The following CNDP1 variants were observed in gnomAD, a reference collection of about 807,000 sequenced individuals.
CNDP1 encodes carnosine dipeptidase 1.
Under a neutral mutation model 58.1 loss-of-function variants are expected in CNDP1, and 44 were observed. The ratio of observed to expected loss-of-function variants is 0.76; its 90% CI spans 0.60 to 0.97. The LOEUF (loss-of-function observed/expected upper bound fraction) is 0.97, where lower values mean the gene tolerates loss of function less well. CNDP1 is among the 50% of genes least tolerant of loss of function. The pLI is 0.00. For missense variants in CNDP1, 616 were observed against 655.1 expected (o/e 0.94, Z 0.65); for synonymous variants, 254 against 252.6 (o/e 1.01, Z -0.05).
chr18:74,558,823 C>T (rs1239311928), intron 2 of CNDP1, among the ~76,000 whole-genome samples: 1 of 152,104 alleles, frequency 6.6e-6, no homozygotes, highest in African/African-American at 2.4e-5. Context: ...ATCCTAGAGG[C>T]ACAGGGAGGG....
rs748012091 is a variant in CNDP1 at position 74,583,651 on chromosome 18, T to C, written c.1400T>C (p.Leu467Pro). 95 of 1,614,074 alleles carry C rather than the reference T, an allele frequency of 5.9e-5. No individual in the cohort carries two copies. In the Middle Eastern group the frequency reaches 1.6e-3, roughly 28 times the overall value. Residue 467 changes from leucine to proline, a missense_variant, in exon 11 of 12, where the codon CTA becomes CCA. Leu to Pro is a moderately conservative substitution (Grantham distance 98). Transcript: ENST00000358821. ...GAGATCGTCCACAAGAGCGTGGTGC[T>C]AATTCCGCTGGGAGCTGTTGATGAT... Reference protein sequence around the residue: ...FQEIVHKSVVLIPLGAVDDGE... With the variant: ...FQEIVHKSVVPIPLGAVDDGE...
intron 6 of CNDP1, among the ~76,000 whole-genome samples, chr18:74,568,506 T>G (rs1476382520): frequency 6.6e-6 from 1 of 151,800 alleles, no homozygotes; most frequent in African/African-American, 2.4e-5. Flanking sequence ...AGGAAGCCCT[T>G]GGGAGGCAAT....
At position 74,577,115 on chromosome 18, in the gene CNDP1, C is replaced by G. The variant is rs565719641; in HGVS notation, c.1002+86C>G. ...CCTCTGTCTAAGTCATTGTCTGGTG[C>G]TAATCTCCGTATCTTAGAATCCAAA... On this transcript the variant is annotated intron_variant, in intron 8 of 11. Coordinates refer to ENST00000358821, the MANE Select transcript of CNDP1 (RefSeq NM_032649.6). The G allele has an allele frequency of 4.1e-5, 49 of 1,204,920 alleles. No individual in the cohort carries two copies. In the African/African-American group the frequency reaches 7.0e-4, roughly 17 times the overall value. The allele number at this position is 1,204,920 out of a possible 1,614,324, so 74.6% of individuals were successfully genotyped here.
chr18:74,537,672 G>A (rs1416061248), intron 1 of CNDP1, among the ~76,000 whole-genome samples: 2 of 152,168 alleles, frequency 1.3e-5, no homozygotes, highest in African/African-American at 4.8e-5. Flanking sequence ...CCCTTTGGAT[G>A]GGGCACATGC....
chr18:74,538,957 A>G (rs1439865029), intron 1 of CNDP1, among the ~76,000 whole-genome samples: 2 of 152,084 alleles, frequency 1.3e-5, no homozygotes, highest in African/African-American at 4.8e-5. Context: ...TCCAGGGTGT[A>G]TCTCTTGCTC....
At chr18:74,538,723 C>G (rs539976572) in intron 1 of CNDP1, among the ~76,000 whole-genome samples, 3 of 152,302 alleles carry the variant, frequency 2.0e-5, no homozygotes, top group Non-Finnish European at 4.4e-5. Flanking sequence ...TGATTCCCGG[C>G]ATCCTCTGGG....
intron 1 of CNDP1, among the ~76,000 whole-genome samples, chr18:74,543,499 T>G (rs1405820051): frequency 1.5e-5 from 2 of 131,398 alleles, no homozygotes; most frequent in African/African-American, 5.7e-5. Context: ...TCTCAAAAAA[T>G]AAAACAAAAC....
intron 5 of CNDP1, among the ~76,000 whole-genome samples, chr18:74,565,712 T>G (rs1260540899): frequency 1.3e-5 from 2 of 152,248 alleles, no homozygotes; most frequent in Non-Finnish European, 2.9e-5. Flanking sequence ...CCCTCCTGGC[T>G]GCTTTCATGG....
At chr18:74,581,185 C>T (rs192754492) in intron 10 of CNDP1, among the ~76,000 whole-genome samples, 2 of 150,638 alleles carry the variant, frequency 1.3e-5, no homozygotes, top group African/African-American at 4.9e-5. Context: ...CCATTATATA[C>T]AGGCAGGGCA....
At chr18:74,566,511 C>T (rs1013318560) in intron 5 of CNDP1, among the ~76,000 whole-genome samples, 1 of 152,224 alleles carries the variant, frequency 6.6e-6, no homozygotes, top group Non-Finnish European at 1.5e-5. Flanking sequence ...TAAATCATCT[C>T]TCTCAAGTTC....
intron 2 of CNDP1, among the ~76,000 whole-genome samples, chr18:74,558,181 A>G (rs1238346245): frequency 6.6e-6 from 1 of 152,204 alleles, no homozygotes; most frequent in Non-Finnish European, 1.5e-5. Flanking sequence ...AGAGAAGTCC[A>G]AGATCAGTAA....
chr18:74,563,375 C>T (rs1291521138), intron 5 of CNDP1, among the ~76,000 whole-genome samples: 4 of 152,158 alleles, frequency 2.6e-5, no homozygotes, highest in Non-Finnish European at 4.4e-5. Context: ...CTCTCCCTCT[C>T]CTTCTCTTTC....
intron 1 of CNDP1, among the ~76,000 whole-genome samples, chr18:74,555,796 G>C: frequency 6.6e-6 from 1 of 152,072 alleles, no homozygotes; most frequent in Non-Finnish European, 1.5e-5. Context: ...CAAAGTACTG[G>C]GATTACAGGC....
At chr18:74,554,637 C>G (rs1048418633) in intron 1 of CNDP1, among the ~76,000 whole-genome samples, 1 of 152,134 alleles carries the variant, frequency 6.6e-6, no homozygotes, top group African/African-American at 2.4e-5. Context: ...TTTGGGAACA[C>G]ATGGGAAGTG....
chr18:74,551,908 C>T (rs1268445109), intron 1 of CNDP1, among the ~76,000 whole-genome samples: 8 of 143,702 alleles, frequency 5.6e-5, no homozygotes, highest in Non-Finnish European at 1.0e-4. Flanking sequence ...GGATCGATTG[C>T]GAAAAAAAAA....
chr18:74,548,948 C>A (rs1980830563), intron 1 of CNDP1, among the ~76,000 whole-genome samples: 1 of 152,176 alleles, frequency 6.6e-6, no homozygotes, highest in African/African-American at 2.4e-5. Flanking sequence ...TTCTAAGTAG[C>A]AGTGTTCAAG....
At chr18:74,576,817 A>G in intron 7 of CNDP1, 52 bp from the exon 8 acceptor site, 1 of 1,539,898 alleles carries the variant, frequency 6.5e-7, no homozygotes, top group Non-Finnish European at 8.8e-7. Flanking sequence ...CAGGACCACA[A>G]CATTGGCACA....
At chr18:74,551,142 C>T (rs754297651) in intron 1 of CNDP1, among the ~76,000 whole-genome samples, 1 of 152,064 alleles carries the variant, frequency 6.6e-6, no homozygotes, top group African/African-American at 2.4e-5. Flanking sequence ...GCCACATGAC[C>T]TGCCTGTTCC....
At chr18:74,556,619 T>C (rs1331137062) in intron 2 of CNDP1, among the ~76,000 whole-genome samples, 153 bp downstream of exon 2, 3 of 152,226 alleles carry the variant, frequency 2.0e-5, no homozygotes, top group Non-Finnish European at 2.9e-5. Flanking sequence ...AAATCTTCAG[T>C]ATTCATTAGA....
Sources: allele counts gnomAD v4.1 joint callset (sites outside exome capture counted in the v4.1 genomes callset), GRCh38; gene constraint gnomAD v4.1.1; transcripts MANE v1.5; gene names NCBI Gene and HGNC (gene_info 2026-07-23, HGNC 2026-07-21).